Variants in SLC35F1 observed in about 807,000 individuals in gnomAD.
SLC35F1 encodes the protein chromosome 6 open reading frame 169.
In SLC35F1, 14 loss-of-function variants were observed where a neutral mutation model predicts 48.7. That is an observed-to-expected ratio of 0.29 (90% CI 0.19 to 0.45). The LOEUF is 0.45. Among genes scored for constraint, SLC35F1 ranks in the 20% least tolerant of loss-of-function variants. The probability of loss-of-function intolerance (pLI) is 1.00; values close to 1 mark genes in which losing one functional copy is unlikely to be tolerated. For synonymous variants in SLC35F1, 190 were observed against 202.2 expected (o/e 0.94, Z 0.51); for missense variants, 404 against 500.0 (o/e 0.81, Z 1.83).
chr6:117,973,725 C>G (rs9372488), intron 1 of SLC35F1, among the ~76,000 whole-genome samples: 32,274 of 151,992 alleles, frequency 0.21, 3,637 homozygotes, highest in East Asian at 0.33. Context: ...CCATGCCCAG[C>G]TGGTCAAAAC....
At chr6:117,952,708 CA>C (rs1776380229) in intron 1 of SLC35F1, among the ~76,000 whole-genome samples, 1 of 152,168 alleles carries the variant, frequency 6.6e-6, no homozygotes, top group African/African-American at 2.4e-5. Context: ...AAAGACAAAT[CA>C]AAAACTTTAC....
At chr6:118,195,842 C>G (rs1028377670) in intron 2 of SLC35F1, among the ~76,000 whole-genome samples, 1 of 152,168 alleles carries the variant, frequency 6.6e-6, no homozygotes, top group Non-Finnish European at 1.5e-5. Flanking sequence ...CCCAGCTGCT[C>G]TGAGAGATCA....
At chr6:118,297,704 T>TA (rs1776208158) in intron 7 of SLC35F1, among the ~76,000 whole-genome samples, 1 of 140,452 alleles carries the variant, frequency 7.1e-6, no homozygotes, top group South Asian at 2.2e-4. Context: ...TATATATAAG[T>TA]TCTGAGAAAT....
intron 3 of SLC35F1, among the ~76,000 whole-genome samples, chr6:118,253,202 T>C (rs1775598544): frequency 6.6e-6 from 1 of 151,534 alleles, no homozygotes; most frequent in South Asian, 2.1e-4. Flanking sequence ...ATTTGAGAGA[T>C]GAGAGTAGAT....
intron 1 of SLC35F1, among the ~76,000 whole-genome samples, chr6:117,986,236 A>G (rs1045909892): frequency 1.3e-5 from 2 of 152,210 alleles, no homozygotes; most frequent in African/African-American, 4.8e-5. Flanking sequence ...CTCTGGGGCC[A>G]ATGAGCTGTG....
intron 1 of SLC35F1, among the ~76,000 whole-genome samples, chr6:117,947,005 T>C (rs902144046): frequency 8.5e-5 from 13 of 152,140 alleles, no homozygotes; most frequent in African/African-American, 3.1e-4. Context: ...TTACATCCAT[T>C]TGGGGGAAGA....
intron 1 of SLC35F1, among the ~76,000 whole-genome samples, chr6:117,944,598 C>T (rs889024789): frequency 4.6e-5 from 7 of 151,558 alleles, no homozygotes; most frequent in Non-Finnish European, 8.8e-5. Context: ...CACATACACA[C>T]ACACACACAC....
chr6:117,941,652 G>A (rs1264226993), intron 1 of SLC35F1, among the ~76,000 whole-genome samples: 2 of 152,082 alleles, frequency 1.3e-5, no homozygotes, highest in East Asian at 3.8e-4. Flanking sequence ...TATTGATTTG[G>A]TTACTAATAT....
chr6:118,033,886 C>T (rs956066354), intron 1 of SLC35F1, among the ~76,000 whole-genome samples: 1 of 152,166 alleles, frequency 6.6e-6, no homozygotes, highest in African/African-American at 2.4e-5. Flanking sequence ...TGCTGGCCAC[C>T]TTGTTCATCG....
chr6:118,095,521 G>T (rs1773141264), intron 1 of SLC35F1, among the ~76,000 whole-genome samples: 1 of 151,946 alleles, frequency 6.6e-6, no homozygotes, highest in Non-Finnish European at 1.5e-5. Context: ...TCCTCTTTCA[G>T]TCTGTCATTA....
chr6:118,076,143 G>T (rs1216421396), intron 1 of SLC35F1, among the ~76,000 whole-genome samples: 1 of 152,102 alleles, frequency 6.6e-6, no homozygotes, highest in Admixed American at 6.5e-5. Context: ...TTAAATTTAT[G>T]ATTTCTGCTT....
At chr6:118,015,353 G>T (rs920673189) in intron 1 of SLC35F1, among the ~76,000 whole-genome samples, 1 of 151,994 alleles carries the variant, frequency 6.6e-6, no homozygotes, top group Non-Finnish European at 1.5e-5. Context: ...AGGTAAACTT[G>T]TGTCATGAGG....
intron 1 of SLC35F1, among the ~76,000 whole-genome samples, chr6:118,046,015 A>T (rs141540517): frequency 1.3e-5 from 2 of 152,312 alleles, no homozygotes; most frequent in Admixed American, 6.5e-5. Flanking sequence ...GAAACCTGTT[A>T]TATTGGAAAG....
At chr6:118,197,242 T>A (rs2114530786) in intron 2 of SLC35F1, among the ~76,000 whole-genome samples, 1 of 152,226 alleles carries the variant, frequency 6.6e-6, no homozygotes, top group African/African-American at 2.4e-5. Flanking sequence ...CATCTCTCCC[T>A]TCCTTCATTT....
chr6:118,090,572 TGAGGG>T (rs1773058203), intron 1 of SLC35F1, among the ~76,000 whole-genome samples: 1 of 152,116 alleles, frequency 6.6e-6, no homozygotes, highest in South Asian at 2.1e-4. Flanking sequence ...GTAAAGGCTC[TGAGGG>T]GAGCATGGGC....
chr6:118,140,386 T>TGTA (rs1295137756), intron 1 of SLC35F1, among the ~76,000 whole-genome samples: 2 of 152,194 alleles, frequency 1.3e-5, no homozygotes, highest in Non-Finnish European at 2.9e-5. Context: ...GACTTCATAG[T>TGTA]GTAGTAGCGC....
At chr6:118,297,653 A>ATATAAC (rs377592182) in intron 7 of SLC35F1, among the ~76,000 whole-genome samples, 2 of 120,610 alleles carry the variant, frequency 1.7e-5, no homozygotes, top group Non-Finnish European at 3.4e-5. Flanking sequence ...ATATATATAT[A>ATATAAC]ATATATATAA....
chr6:118,055,306 T>C (rs1217780652), intron 1 of SLC35F1, among the ~76,000 whole-genome samples: 2 of 152,234 alleles, frequency 1.3e-5, no homozygotes, highest in Non-Finnish European at 2.9e-5. Flanking sequence ...GGTTTATCAA[T>C]GACTCGGTGA....
At chr6:118,220,403 G>T (rs6911094) in intron 2 of SLC35F1, among the ~76,000 whole-genome samples, 142,055 of 152,162 alleles carry the variant, frequency 0.93, 66,371 homozygotes, top group East Asian at 0.98. Context: ...TCTGAGCAAC[G>T]TAGAACAGAT....
Sources: gnomAD v4.1 joint callset for allele counts (sites outside exome capture counted in the v4.1 genomes callset) on GRCh38, gnomAD v4.1.1 for gene constraint, MANE v1.5 for transcripts, NCBI Gene and HGNC (gene_info 2026-07-23, HGNC 2026-07-21) for gene names.